Variants in PRDM16 observed in about 807,000 individuals in gnomAD.
The protein encoded by PRDM16 is histone-lysine N-methyltransferase PRDM16.
In PRDM16, 23 loss-of-function variants were observed where a neutral mutation model predicts 110.6. That is an observed-to-expected ratio of 0.21 (90% CI 0.15 to 0.29). The LOEUF is 0.29. Ranked by LOEUF, PRDM16 falls within the 10% of genes least tolerant of loss-of-function variation. The pLI is 1.00. For synonymous variants in PRDM16, 799 were observed against 781.8 expected, an observed-to-expected ratio of 1.02 and a Z score of -0.37; for missense variants, 1,615 against 1,794.3, an observed-to-expected ratio of 0.90 and a Z score of 1.81.
intron 2 of PRDM16, among the ~76,000 whole-genome samples, chr1:3,194,399 T>C (rs1000240709): frequency 2.0e-5 from 3 of 152,142 alleles, no homozygotes; most frequent in Admixed American, 2.0e-4. Flanking sequence ...CCGGCGCTCA[T>C]TGGCTGAGCT....
chr1:3,343,317 G>A (rs1324214490), intron 3 of PRDM16, among the ~76,000 whole-genome samples: 1 of 125,342 alleles, frequency 8.0e-6, no homozygotes, highest in African/African-American at 3.2e-5. Context: ...TTTTTAAATT[G>A]GATTGTTTGT....
chr1:3,358,445 G>A lies in PRDM16; in HGVS notation c.439-26707G>A, dbSNP rs1173538385. Among the ~76,000 whole-genome samples the A allele has an allele frequency of 2.6e-5, 4 of 152,180 alleles. No homozygotes were observed. Among genetic ancestry groups the A allele is most frequent in the African/African-American group, 9.7e-5 (4 of 41,446 alleles). ...ACAGAAAATCTCCCACAGTGGAGGAGGTGTTGTCTCCAGAGGCAGCCGCTG... is the reference window on the plus strand; with the variant it reads ...ACAGAAAATCTCCCACAGTGGAGGAAGTGTTGTCTCCAGAGGCAGCCGCTG... On this transcript the variant is annotated intron_variant, in intron 3 of 16. Transcript: ENST00000270722. This position sits in a 1 kb window ranked among gnomAD's most constrained non-coding sequence, Gnocchi z 4.0.
Position 3,244,153 on chromosome 1 carries a change from C to T in PRDM16, c.438+16C>T. 1 of 1,613,228 alleles carries T rather than the reference C, an allele frequency of 6.2e-7. No homozygotes were observed. The highest frequency in any genetic ancestry group is 8.5e-7 in the Non-Finnish European group (1 of 1,179,606). On this transcript the variant is annotated intron_variant, in intron 3 of 16. Transcript: ENST00000270722. This position sits in a 1 kb window ranked among gnomAD's most constrained non-coding sequence, Gnocchi z 4.1. ...CATCACAAAGGTAGGAGAGCTCGCC[C>T]TGCGCCGTCTCAGCTCCCCAGCGTC...
chr1:3,222,705 C>CT (rs1377992519), intron 2 of PRDM16, among the ~76,000 whole-genome samples: 4 of 152,272 alleles, frequency 2.6e-5, no homozygotes, highest in African/African-American at 9.6e-5. Flanking sequence ...CTCTGCAGGG[C>CT]CCCTGACTGT....
In PRDM16 at chr1:3,403,006, G is replaced by A. The variant is rs780119008; in HGVS notation, c.884+8G>A. The A allele has an allele frequency of 1.2e-5, 19 of 1,590,634 alleles. No individual in the cohort carries two copies. The highest frequency in any genetic ancestry group is 1.5e-5 in the Non-Finnish European group (18 of 1,169,472). On this transcript the variant is annotated splice_region_variant and intron_variant, in intron 6 of 16. Transcript: ENST00000270722. ...GTTCCCCAACAAGTACAGGTGCCAC[G>A]CCCTCCTCTGAGTCTTCCTCCCCTT... is the stretch of plus-strand genomic sequence containing the variant.
intron 1 of PRDM16, among the ~76,000 whole-genome samples, chr1:3,114,388 G>A (rs1025141973): frequency 1.1e-4 from 12 of 112,386 alleles, no homozygotes; most frequent in South Asian, 3.0e-4. Context: ...GTAAACAGAC[G>A]CGCACGCACG....
Position 3,425,809 on chromosome 1 carries a change from G to C in PRDM16, c.3109+59G>C, listed in dbSNP as rs1638587488. Reference sequence around the variant, plus strand: ...ACCCACACGGGCAGGCCCCACAGAGGGGGAGGGGGAACAGCAGGGGAGTGG... The same window carrying C: ...ACCCACACGGGCAGGCCCCACAGAGCGGGAGGGGGAACAGCAGGGGAGTGG... On this transcript the variant is annotated intron_variant, in intron 13 of 16. Coordinates refer to ENST00000270722, the MANE Select transcript of PRDM16 (RefSeq NM_022114.4). The surrounding 1 kb of genome is among the most constrained non-coding windows in gnomAD (Gnocchi z 6.9). 6 of 1,596,614 alleles carry C rather than the reference G, an allele frequency of 3.8e-6. No individual in the cohort carries two copies. Among genetic ancestry groups the C allele is most frequent in the Middle Eastern group, 1.7e-4 (1 of 5,928 alleles).
intron 2 of PRDM16, among the ~76,000 whole-genome samples, chr1:3,229,237 C>T (rs139790481): frequency 7.3e-4 from 111 of 152,312 alleles, no homozygotes; most frequent in African/African-American, 2.6e-3. Context: ...CCATCGTTAC[C>T]CACACACGGG....
intron 8 of PRDM16, among the ~76,000 whole-genome samples, chr1:3,410,994 A>G (rs1643675463): frequency 6.6e-6 from 1 of 152,118 alleles, no homozygotes; most frequent in Non-Finnish European, 1.5e-5. Flanking sequence ...AACTGTACCA[A>G]CCGGCCCCCC....
chr1:3,126,230 G>A (rs779696040), intron 1 of PRDM16, among the ~76,000 whole-genome samples: 4 of 152,220 alleles, frequency 2.6e-5, no homozygotes, highest in Non-Finnish European at 5.9e-5. Flanking sequence ...GTCGGTCCCC[G>A]CAGCTCTCGC....
At chr1:3,085,161 T>TG (rs1321880299) in intron 1 of PRDM16, among the ~76,000 whole-genome samples, 1 of 152,270 alleles carries the variant, frequency 6.6e-6, no homozygotes, top group East Asian at 1.9e-4. Context: ...TTCGTGCAGG[T>TG]GGAATCTGGA....
Position 3,431,062 on chromosome 1 carries a change from G to A in PRDM16, c.3475G>A (p.Glu1159Lys), listed in dbSNP as rs1323196591. 1.3e-6 allele frequency: 2 copies of A among 1,555,282 alleles called. No individual in the cohort carries two copies. The highest frequency in any genetic ancestry group is 8.7e-7 in the Non-Finnish European group (1 of 1,149,806). ...PQAAYEDEED[E>K]EPAASLAVGF... ...GGCCGCCTACGAGGATGAGGAGGAT[G>A]AGGAGCCAGCCGCCTCCCTGGCCGT... The change falls in exon 15 of 17, where the codon GAG (glutamate) becomes AAG (lysine). Residue 1159 changes from glutamate to lysine, a missense_variant. By Grantham distance (56) the Glu-to-Lys change is moderately conservative. This residue lies in a region of PRDM16 where 327 missense variants were observed against 359.3 expected (regional missense o/e 0.91). Transcript: ENST00000270722.
chr1:3,128,248 G>A (rs905720940), intron 1 of PRDM16, among the ~76,000 whole-genome samples: 8 of 152,172 alleles, frequency 5.3e-5, no homozygotes, highest in Middle Eastern at 3.2e-3. Context: ...CACGTTTGAC[G>A]GGGCCAAGAG....
At chr1:3,417,016 T>C (rs865980575) in intron 10 of PRDM16, among the ~76,000 whole-genome samples, 2 of 152,294 alleles carry the variant, frequency 1.3e-5, no homozygotes, top group African/African-American at 4.8e-5. Context: ...AGCCCAGCCC[T>C]TCCCCTCTCC....
rs1639747776 is a variant in PRDM16 at position 3,244,656 on chromosome 1, T to C, written c.438+519T>C. Among the ~76,000 whole-genome samples the C allele has an allele frequency of 6.6e-6, 1 of 152,070 alleles. No individual in the cohort carries two copies. Among genetic ancestry groups the C allele is most frequent in the African/African-American group, 2.4e-5 (1 of 41,402 alleles). Reference sequence around the variant, plus strand: ...TATCCACGGCTTTGCTGACTGGTGGTGGATAACGGCTGGTGGACAAACATT... The same window carrying C: ...TATCCACGGCTTTGCTGACTGGTGGCGGATAACGGCTGGTGGACAAACATT... On this transcript the variant is annotated intron_variant, in intron 3 of 16. Coordinates refer to ENST00000270722, the MANE Select transcript of PRDM16 (RefSeq NM_022114.4). This position sits in a 1 kb window ranked among gnomAD's most constrained non-coding sequence, Gnocchi z 4.1.
chr1:3,157,422 T>TTAA lies in PRDM16; in HGVS notation c.38-28703_38-28702insTAA, dbSNP rs1553135598. Among the ~76,000 whole-genome samples the TTAA allele has an allele frequency of 2.4e-4, 29 of 122,168 alleles. 1 individual carries two copies. The highest frequency in any genetic ancestry group is 2.3e-3 in the East Asian group (10 of 4,310). The allele number at this position is 122,168 out of a possible 152,430, so 80.1% of individuals were successfully genotyped here. ...GCTCCCAGGCCTTTTGCGATCCCAT[T>TTAA]AAAAAAAAAAAAAAAAAAAACACCT... is the stretch of plus-strand genomic sequence containing the variant. On this transcript the variant is annotated intron_variant, in intron 1 of 16. Coordinates refer to ENST00000270722, the MANE Select transcript of PRDM16 (RefSeq NM_022114.4). This position sits in a 1 kb window ranked among gnomAD's most constrained non-coding sequence, Gnocchi z 4.8.
intron 1 of PRDM16, among the ~76,000 whole-genome samples, chr1:3,183,380 G>T: frequency 6.6e-6 from 1 of 152,338 alleles, no homozygotes; most frequent in African/African-American, 2.4e-5. Context: ...GCCTGCTGGA[G>T]CCTCCGTGCA....
chr1:3,319,314 C>G (rs150454431), intron 3 of PRDM16, among the ~76,000 whole-genome samples: 1 of 152,300 alleles, frequency 6.6e-6, no homozygotes, highest in African/African-American at 2.4e-5. Context: ...GAGCTGGCAC[C>G]AAGGCTCAAC....
At chr1:3,074,374 A>G (rs1641841930) in intron 1 of PRDM16, among the ~76,000 whole-genome samples, 1 of 151,996 alleles carries the variant, frequency 6.6e-6, no homozygotes, top group Admixed American at 6.6e-5. Context: ...TCCCCCACAG[A>G]GCACCACAGG....
Sources: allele counts gnomAD v4.1 joint callset (sites outside exome capture counted in the v4.1 genomes callset), GRCh38; gene constraint gnomAD v4.1.1; regional missense constraint gnomAD v4.1.1; non-coding constraint Gnocchi (gnomAD v3.1); transcripts MANE v1.5; gene names NCBI Gene and HGNC (gene_info 2026-07-23, HGNC 2026-07-21).